The following PDE4D variants were observed in gnomAD, a reference collection of about 807,000 sequenced individuals.
The protein encoded by PDE4D is phosphodiesterase 4D, also known as 3',5'-cyclic-AMP phosphodiesterase 4D.
In PDE4D, 24 loss-of-function variants were observed where a neutral mutation model predicts 87.4. That is an observed-to-expected ratio of 0.27 (90% confidence interval 0.20 to 0.39). The LOEUF (loss-of-function observed/expected upper bound fraction) is 0.39. Ranked by LOEUF, PDE4D falls within the 10% of genes least tolerant of loss-of-function variation. The pLI is 1.00. For missense variants in PDE4D, 714 were observed against 1,041.0 expected (o/e 0.69, Z 4.32); for synonymous variants, 384 against 383.2 (o/e 1.00, Z -0.02).
chr5:59,189,245 TTTTTTTTG>T (rs1157478003), intron 3 of PDE4D, among the ~76,000 whole-genome samples: 6 of 79,956 alleles, frequency 7.5e-5, no homozygotes, highest in African/African-American at 5.9e-5. Context: ...TTTTTTTTTG[TTTTTTTTG>T]TTTTTTTTTT....
intron 3 of PDE4D, among the ~76,000 whole-genome samples, chr5:59,946,616 T>G (rs564616000): frequency 5.2e-4 from 79 of 152,228 alleles, no homozygotes; most frequent in Non-Finnish European, 8.5e-4. Context: ...ATAGAAGCCA[T>G]TTGCTCTAGC....
At chr5:59,566,819 G>A (rs1242909201) in intron 1 of PDE4D, among the ~76,000 whole-genome samples, 1 of 151,820 alleles carries the variant, frequency 6.6e-6, no homozygotes, top group Non-Finnish European at 1.5e-5. Context: ...AATCTATTTT[G>A]GCCATTTTGT....
intron 5 of PDE4D, among the ~76,000 whole-genome samples, chr5:59,056,670 A>G (rs983334615): frequency 6.6e-6 from 1 of 151,208 alleles, no homozygotes; most frequent in East Asian, 1.9e-4. Flanking sequence ...TCATTGTTCA[A>G]CTCCCACTTA....
intron 1 of PDE4D, among the ~76,000 whole-genome samples, chr5:59,434,805 C>T (rs1796579238): frequency 6.6e-6 from 1 of 152,138 alleles, no homozygotes; most frequent in Non-Finnish European, 1.5e-5. Flanking sequence ...AATCAGGTCA[C>T]AAACCCTAGA....
intron 1 of PDE4D, among the ~76,000 whole-genome samples, chr5:59,232,002 C>T (rs1755313894): frequency 6.6e-6 from 1 of 152,154 alleles, no homozygotes. Context: ...GAACCTGACA[C>T]ATGAATTTGT....
chr5:59,502,086 T>C (rs1808383176), intron 1 of PDE4D, among the ~76,000 whole-genome samples: 1 of 152,150 alleles, frequency 6.6e-6, no homozygotes, highest in Non-Finnish European at 1.5e-5. Flanking sequence ...ATTCATGCCA[T>C]GGTTTCTTTA....
At chr5:59,555,106 G>A (rs1818678879) in intron 1 of PDE4D, among the ~76,000 whole-genome samples, 1 of 152,162 alleles carries the variant, frequency 6.6e-6, no homozygotes, top group Non-Finnish European at 1.5e-5. Context: ...CAACCTAAAT[G>A]CCCATCAATG....
At chr5:60,006,212 G>A (rs1158441556) in intron 2 of PDE4D, among the ~76,000 whole-genome samples, 1 of 151,846 alleles carries the variant, frequency 6.6e-6, no homozygotes, top group East Asian at 1.9e-4. Flanking sequence ...AAAACTGGGT[G>A]ATGAGTATTT....
At chr5:59,160,750 C>CT (rs1212864562) in intron 5 of PDE4D, among the ~76,000 whole-genome samples, 2 of 152,122 alleles carry the variant, frequency 1.3e-5, no homozygotes, top group Non-Finnish European at 2.9e-5. Context: ...AACTAACTCC[C>CT]TTAGTGGCAG....
intron 1 of PDE4D, among the ~76,000 whole-genome samples, chr5:59,821,528 T>C (rs1769672966): frequency 6.6e-6 from 1 of 152,238 alleles, no homozygotes; most frequent in African/African-American, 2.4e-5. Context: ...CTTAATAGTT[T>C]TTGGATGTGT....
Position 60,070,414 on chromosome 5 carries a change from T to C in PDE4D, c.43-81697A>G, listed in dbSNP as rs114212679. On this transcript the variant is annotated intron_variant, in intron 2 of 16. Transcript: ENST00000502484. ...CTAGTTTGAGTTTTTAATTAAAAGA[T>C]GTTAAATTTTGTCAAACCCTTTTTC... is the stretch of plus-strand genomic sequence containing the variant. Among the ~76,000 whole-genome samples, 1,156 of 152,232 alleles carry C rather than the reference T, an allele frequency of 7.6e-3. 24 individuals carry two copies. The highest frequency in any genetic ancestry group is 0.026 in the African/African-American group (1,090 of 41,566).
chr5:60,134,320 T>C lies in PDE4D; in HGVS notation c.42+51237A>G, dbSNP rs552296673. On this transcript the variant is annotated intron_variant, in intron 2 of 16. Transcript: ENST00000502484. ...GAGACCTACCTAAGTGACATCTCTT[T>C]TGTAGAGACCCCATCTCCACAAAAA... Among the ~76,000 whole-genome samples, 6 of 152,212 alleles carry C rather than the reference T, an allele frequency of 3.9e-5. No individual in the cohort carries two copies. In the East Asian group the frequency reaches 5.8e-4, roughly 15 times the overall value.
intron 1 of PDE4D, among the ~76,000 whole-genome samples, chr5:59,552,370 C>G (rs1291631462): frequency 6.6e-6 from 1 of 152,114 alleles, no homozygotes; most frequent in African/African-American, 2.4e-5. Flanking sequence ...ATTCCTTTGG[C>G]TCTTCCAGGT....
At chr5:59,330,691 G>A (rs184334786) in intron 1 of PDE4D, among the ~76,000 whole-genome samples, 71 of 152,064 alleles carry the variant, frequency 4.7e-4, no homozygotes, top group Middle Eastern at 3.4e-3. Flanking sequence ...AGTTTATTTC[G>A]TTTTGAGATT....
In PDE4D at chr5:59,122,643, T is replaced by C. The variant is rs1045117592; in HGVS notation, c.808+57952A>G. Among the ~76,000 whole-genome samples the C allele has an allele frequency of 2.0e-4, 31 of 152,324 alleles. 1 individual carries two copies. The highest frequency in any genetic ancestry group is 6.7e-4 in the African/African-American group (28 of 41,580). ...GTAACAAAACATCACATGAACCCCA[T>C]AAATATATACAGTAATTATGCACCA... On this transcript the variant is annotated intron_variant, in intron 5 of 14. Coordinates refer to ENST00000340635, the MANE Select transcript of PDE4D (RefSeq NM_001104631.2).
chr5:59,609,210 T>C (rs1295262438), intron 1 of PDE4D, among the ~76,000 whole-genome samples: 3 of 152,080 alleles, frequency 2.0e-5, no homozygotes, highest in Non-Finnish European at 4.4e-5. Flanking sequence ...AGGAAGAAGG[T>C]GTACTCATCA....
chr5:59,795,340 G>T (rs1303020633), intron 1 of PDE4D, among the ~76,000 whole-genome samples: 1 of 152,152 alleles, frequency 6.6e-6, no homozygotes, highest in Admixed American at 6.5e-5. Context: ...GAAGAATAAA[G>T]AGATCTCAGA....
chr5:60,292,417 G>A (rs561354089), intron 1 of PDE4D, among the ~76,000 whole-genome samples: 5 of 152,220 alleles, frequency 3.3e-5, no homozygotes, highest in African/African-American at 1.2e-4. Flanking sequence ...TTTGGTATGC[G>A]AAATACATAT....
intron 1 of PDE4D, among the ~76,000 whole-genome samples, chr5:59,413,146 C>T (rs1792976242): frequency 6.6e-6 from 1 of 152,080 alleles, no homozygotes; most frequent in South Asian, 2.1e-4. Context: ...GATACCAATG[C>T]TGAGTGACCT....
Sources: allele counts gnomAD v4.1 joint callset (sites outside exome capture counted in the v4.1 genomes callset), GRCh38; gene constraint gnomAD v4.1.1; transcripts MANE v1.5; gene names NCBI Gene and HGNC (gene_info 2026-07-23, HGNC 2026-07-21).